The following FRMD4A variants were observed in gnomAD, a reference collection of about 807,000 sequenced individuals.
FRMD4A encodes the protein FERM domain-containing protein 4A.
Under a neutral mutation model 129.1 loss-of-function variants are expected in FRMD4A, and 29 were observed. The observed-to-expected ratio is 0.22, with a 90% confidence interval of 0.17 to 0.31. The LOEUF is 0.31. Ranked by LOEUF, FRMD4A falls within the 10% of genes least tolerant of loss-of-function variation. FRMD4A has a pLI of 1.00. For synonymous variants in FRMD4A, 634 were observed against 571.6 expected (o/e 1.11, Z -1.56); for missense variants, 1,272 against 1,375.8 (o/e 0.92, Z 1.19).
intron 2 of FRMD4A, among the ~76,000 whole-genome samples, chr10:14,151,694 G>A (rs952596669): frequency 6.6e-6 from 1 of 152,086 alleles, no homozygotes; most frequent in Non-Finnish European, 1.5e-5. Context: ...TGCGATGAGA[G>A]CAGCCCTTCC....
intron 2 of FRMD4A, among the ~76,000 whole-genome samples, chr10:14,196,823 C>A (rs982579185): frequency 2.6e-5 from 4 of 152,154 alleles, no homozygotes; most frequent in African/African-American, 9.7e-5. Context: ...AATTCATTCC[C>A]ATCTTTATGT....
At chr10:13,829,487 C>G (rs1465882939) in intron 3 of FRMD4A, among the ~76,000 whole-genome samples, 2 of 152,170 alleles carry the variant, frequency 1.3e-5, no homozygotes, top group Non-Finnish European at 2.9e-5. Flanking sequence ...GAGGTCCCAT[C>G]TCAAAAAAAG....
chr10:13,981,013 G>A (rs1314923761), intron 2 of FRMD4A, among the ~76,000 whole-genome samples: 1 of 152,186 alleles, frequency 6.6e-6, no homozygotes, highest in African/African-American at 2.4e-5. Flanking sequence ...AATTTAGTGA[G>A]TTGCCTAGAC....
chr10:13,893,806 C>A (rs999690252), intron 2 of FRMD4A, among the ~76,000 whole-genome samples: 3 of 152,240 alleles, frequency 2.0e-5, no homozygotes, highest in African/African-American at 7.2e-5. Flanking sequence ...CCACCGCACC[C>A]AGCTCAGACA....
chr10:14,160,903 A>G (rs1419278787), intron 2 of FRMD4A, among the ~76,000 whole-genome samples: 6 of 152,164 alleles, frequency 3.9e-5, no homozygotes, highest in Non-Finnish European at 8.8e-5. Flanking sequence ...GAATTCACAC[A>G]CTGTTGGTAG....
chr10:13,818,037 T>A (rs933070748), intron 3 of FRMD4A, among the ~76,000 whole-genome samples: 1 of 152,344 alleles, frequency 6.6e-6, no homozygotes, highest in South Asian at 2.1e-4. Context: ...AAACTTGACA[T>A]GTGTCTATCC....
chr10:13,768,712 T>G (rs2092364555), intron 6 of FRMD4A, among the ~76,000 whole-genome samples: 1 of 152,168 alleles, frequency 6.6e-6, no homozygotes, highest in Admixed American at 6.5e-5. Flanking sequence ...CATATTCTGG[T>G]CTTAACCCCC....
chr10:14,227,879 A>AT (rs1470068320), intron 2 of FRMD4A, among the ~76,000 whole-genome samples: 2,486 of 149,734 alleles, frequency 0.017, 37 homozygotes, highest in African/African-American at 0.036. Flanking sequence ...TCTGGCCAGA[A>AT]TTTTTTTTTT....
At chr10:13,958,338 C>T (rs1475855199) in intron 2 of FRMD4A, among the ~76,000 whole-genome samples, 1 of 132,786 alleles carries the variant, frequency 7.5e-6, no homozygotes, top group Non-Finnish European at 1.5e-5. Context: ...GGCTGGAGTG[C>T]AGTGGCGCGA....
At chr10:13,891,163 C>A (rs1381422442) in intron 2 of FRMD4A, among the ~76,000 whole-genome samples, 2 of 152,156 alleles carry the variant, frequency 1.3e-5, no homozygotes, top group Non-Finnish European at 2.9e-5. Context: ...CTTGCTGCAG[C>A]CATTTGGAAC....
At chr10:14,256,795 C>T (rs955539826) in intron 2 of FRMD4A, among the ~76,000 whole-genome samples, 1 of 151,618 alleles carries the variant, frequency 6.6e-6, no homozygotes, top group East Asian at 1.9e-4. Flanking sequence ...CCAGCCTGGG[C>T]CACACAGCGA....
At chr10:13,825,389 T>G (rs572004278) in intron 3 of FRMD4A, among the ~76,000 whole-genome samples, 24 of 152,148 alleles carry the variant, frequency 1.6e-4, no homozygotes, top group Admixed American at 1.6e-3. Flanking sequence ...AGAAACTGGG[T>G]TGCACAGCAG....
intron 2 of FRMD4A, among the ~76,000 whole-genome samples, chr10:13,984,057 C>T (rs918256453): frequency 1.3e-5 from 2 of 151,884 alleles, no homozygotes; most frequent in African/African-American, 2.4e-5. Flanking sequence ...CTAGGGGTCT[C>T]GGTAGTGAGC....
intron 2 of FRMD4A, among the ~76,000 whole-genome samples, chr10:14,003,859 T>G (rs999362205): frequency 7.9e-5 from 12 of 152,258 alleles, no homozygotes; most frequent in Admixed American, 5.9e-4. Context: ...TAATAAAAAC[T>G]TCCTCCCTGC....
chr10:14,215,548 T>C (rs976667348), intron 2 of FRMD4A, among the ~76,000 whole-genome samples: 3 of 152,204 alleles, frequency 2.0e-5, no homozygotes, highest in African/African-American at 7.2e-5. Flanking sequence ...CAGGCTCTCC[T>C]TCTTAGAGCA....
chr10:13,882,105 C>T lies in FRMD4A; in HGVS notation c.46-23193G>A, dbSNP rs557454581. On this transcript the variant is annotated intron_variant, in intron 2 of 24. Coordinates refer to ENST00000357447, the MANE Select transcript of FRMD4A (RefSeq NM_018027.5). ...TCTAGATTGTGACGGGCTTTTTCTT[C>T]CATGCTAAGGACTGTGGTCTACGAA... 4.0e-5 allele frequency among the ~76,000 whole-genome samples: 6 copies of T among 151,560 alleles called. No individual in the cohort carries two copies. The South Asian group carries it at 1.3e-3, about 32-fold the overall frequency.
intron 12 of FRMD4A, among the ~76,000 whole-genome samples, chr10:13,731,122 G>A (rs755949342): frequency 2.0e-5 from 3 of 151,880 alleles, no homozygotes; most frequent in Non-Finnish European, 2.9e-5. Flanking sequence ...CGTCAGCACC[G>A]TACTTGGATG....
intron 2 of FRMD4A, among the ~76,000 whole-genome samples, chr10:14,320,613 T>C (rs532194008): frequency 1.3e-5 from 2 of 152,360 alleles, no homozygotes; most frequent in East Asian, 3.9e-4. Context: ...GTAAATACCA[T>C]ACCTTCCATG....
At chr10:14,039,242 T>C (rs1046808990) in intron 2 of FRMD4A, among the ~76,000 whole-genome samples, 2 of 152,202 alleles carry the variant, frequency 1.3e-5, no homozygotes, top group African/African-American at 4.8e-5. Flanking sequence ...TATTTAATTA[T>C]ATCCTTTTGC....
Sources: gnomAD v4.1 joint callset for allele counts (sites outside exome capture counted in the v4.1 genomes callset) on GRCh38, gnomAD v4.1.1 for gene constraint, MANE v1.5 for transcripts, NCBI Gene and HGNC (gene_info 2026-07-23, HGNC 2026-07-21) for gene names.